EYA3: variants seen among roughly 807,000 people sequenced by gnomAD.
EYA3 encodes EYA transcriptional coactivator and phosphatase 3, also known as protein phosphatase EYA3.
EYA3 carries 39 observed loss-of-function variants against 80.0 expected under a neutral mutation model. The ratio of observed to expected loss-of-function variants is 0.49; its 90% CI spans 0.38 to 0.64. EYA3 has a LOEUF of 0.64. Ranked by LOEUF, EYA3 falls within the 30% of genes least tolerant of loss-of-function variation. The probability of loss-of-function intolerance (pLI) is 0.00; values close to 1 mark genes in which losing one functional copy is unlikely to be tolerated. For missense variants in EYA3, 523 were observed against 676.1 expected (o/e 0.77, Z 2.51); for synonymous variants, 206 against 232.8 (o/e 0.88, Z 1.05).
At chr1:28,070,547 G>A (rs1204698325) in intron 1 of EYA3, among the ~76,000 whole-genome samples, 1 of 152,090 alleles carries the variant, frequency 6.6e-6, no homozygotes, top group East Asian at 1.9e-4. Flanking sequence ...GGGCTACAGA[G>A]TGAGACTCCG....
chr1:27,975,627 A>G (rs1316046710), intron 17 of EYA3, among the ~76,000 whole-genome samples: 1 of 151,560 alleles, frequency 6.6e-6, no homozygotes, highest in Non-Finnish European at 1.5e-5. Context: ...CTGGGACTAC[A>G]GGTGCCTGCC....
chr1:28,076,124 C>T lies in EYA3; in HGVS notation c.-69+12400G>A, dbSNP rs188114883. ...CCAGAAAAACTGCAACCACCTACAC[C>T]TCCCTGATGGGACTTTCTGTAGACA... On this transcript the variant is annotated intron_variant, in intron 1 of 17. Coordinates refer to ENST00000373871, the MANE Select transcript of EYA3 (RefSeq NM_001990.4). Among the ~76,000 whole-genome samples, 9 of 152,298 alleles carry T rather than the reference C, an allele frequency of 5.9e-5. No homozygotes were observed. In the East Asian group the frequency reaches 1.7e-3, roughly 29 times the overall value.
chr1:28,081,046 T>C (rs1437718358), intron 1 of EYA3, among the ~76,000 whole-genome samples: 3 of 152,088 alleles, frequency 2.0e-5, no homozygotes, highest in African/African-American at 7.2e-5. Context: ...CATGAGCCAC[T>C]GCGCCCGGCC....
intron 2 of EYA3, among the ~76,000 whole-genome samples, chr1:28,054,167 T>C (rs1002187964): frequency 6.6e-6 from 1 of 152,204 alleles, no homozygotes; most frequent in Admixed American, 6.5e-5. Flanking sequence ...AACAATTTAA[T>C]GCCATTTTCA....
intron 1 of EYA3, among the ~76,000 whole-genome samples, chr1:28,068,165 G>A (rs1571943884): frequency 1.3e-5 from 2 of 151,882 alleles, no homozygotes; most frequent in East Asian, 3.9e-4. Context: ...GTGAAACTCC[G>A]TCTCTACTAA....
intron 1 of EYA3, among the ~76,000 whole-genome samples, chr1:28,077,470 G>A (rs1200733357): frequency 6.6e-6 from 1 of 152,126 alleles, no homozygotes; most frequent in Admixed American, 6.5e-5. Flanking sequence ...ATAGTAAAAA[G>A]TATTAAGAAG....
At chr1:28,040,223 C>T (rs1643699388) in intron 4 of EYA3, among the ~76,000 whole-genome samples, 2 of 152,134 alleles carry the variant, frequency 1.3e-5, no homozygotes, top group Non-Finnish European at 2.9e-5. Context: ...GAAATATATT[C>T]TGAAGGTAAA....
chr1:28,048,292 G>C, intron 3 of EYA3, 91 bp downstream of exon 3: 1 of 762,880 alleles, frequency 1.3e-6, no homozygotes, highest in Non-Finnish European at 2.0e-6. Context: ...ACCAAAAAGA[G>C]GGCAAAGCAT....
chr1:28,051,222 A>G (rs1158348979), intron 2 of EYA3, among the ~76,000 whole-genome samples: 1 of 152,236 alleles, frequency 6.6e-6, no homozygotes, highest in Admixed American at 6.5e-5. Flanking sequence ...TTTTGTATAC[A>G]GAAATCCTAA....
chr1:28,077,735 A>G (rs1326770903), intron 1 of EYA3, among the ~76,000 whole-genome samples: 1 of 152,250 alleles, frequency 6.6e-6, no homozygotes, highest in African/African-American at 2.4e-5. Context: ...CTAAAACTTT[A>G]TCTTCATCCT....
Position 28,086,625 on chromosome 1 carries a change from G to A in EYA3, c.-69+1899C>T, listed in dbSNP as rs570069904. On this transcript the variant is annotated intron_variant, in intron 1 of 17. Coordinates refer to ENST00000373871, the MANE Select transcript of EYA3 (RefSeq NM_001990.4). ...TTTCCCATCATTTTTGGGGTTTAAT[G>A]TTCTTATCTTAATCTGCATTAATTA... Among the ~76,000 whole-genome samples the A allele has an allele frequency of 1.4e-3, 220 of 152,214 alleles. 2 individuals are homozygous for A. The highest frequency in any genetic ancestry group is 0.014 in the Admixed American group (220 of 15,288).
At chr1:28,043,057 C>G (rs1471955343) in intron 3 of EYA3, among the ~76,000 whole-genome samples, 1 of 152,066 alleles carries the variant, frequency 6.6e-6, no homozygotes, top group Non-Finnish European at 1.5e-5. Flanking sequence ...GTTGGTCAGG[C>G]TGGTCTTGAA....
intron 6 of EYA3, among the ~76,000 whole-genome samples, chr1:28,033,477 G>T (rs942817585): frequency 6.6e-6 from 1 of 151,902 alleles, no homozygotes; most frequent in Non-Finnish European, 1.5e-5. Context: ...ACTGATAGAA[G>T]AAATTGGGAA....
At chr1:28,001,738 CA>C (rs1160378243) in intron 11 of EYA3, among the ~76,000 whole-genome samples, 727 of 36,314 alleles carry the variant, frequency 0.02, 4 homozygotes, top group African/African-American at 0.037. Context: ...GACTCTGTCT[CA>C]AAAAAAAAAA....
intron 16 of EYA3, 64 bp downstream of exon 16, chr1:27,988,471 G>C: frequency 6.4e-7 from 1 of 1,569,256 alleles, no homozygotes; most frequent in Non-Finnish European, 8.7e-7. Context: ...GAAAATAATA[G>C]GTGCATCATG....
intron 3 of EYA3, among the ~76,000 whole-genome samples, chr1:28,046,702 A>G (rs1046499792): frequency 2.0e-5 from 3 of 152,216 alleles, no homozygotes; most frequent in Non-Finnish European, 2.9e-5. Context: ...GTGATTGGGA[A>G]TAAGTACAGA....
intron 1 of EYA3, among the ~76,000 whole-genome samples, chr1:28,069,812 G>T (rs192212298): frequency 2.5e-4 from 38 of 152,250 alleles, no homozygotes; most frequent in Admixed American, 1.4e-3. Flanking sequence ...TGTTATTAAG[G>T]ATTTTGAGAT....
chr1:27,989,887 T>C, intron 14 of EYA3, 76 bp from the exon 15 acceptor site: 2 of 787,286 alleles, frequency 2.5e-6, no homozygotes, highest in South Asian at 3.3e-5. Flanking sequence ...ACTTCTAAAT[T>C]CAATTTAAAA....
In EYA3 at chr1:28,009,599, G is replaced by A. The variant is rs1186406306; in HGVS notation, c.909+1348C>T. Among the ~76,000 whole-genome samples the A allele has an allele frequency of 6.6e-6, 1 of 152,102 alleles. No individual in the cohort carries two copies. The highest frequency in any genetic ancestry group is 1.5e-5 in the Non-Finnish European group (1 of 68,020). On this transcript the variant is annotated intron_variant, in intron 10 of 17. Coordinates refer to ENST00000373871, the MANE Select transcript of EYA3 (RefSeq NM_001990.4). The surrounding 1 kb of genome is among the most constrained non-coding windows in gnomAD (Gnocchi z 4.8). ...CGGGAGGCAGAGGTCACGGTAAGCCGAGATCGTGCCACTGCACTCCAGCCT... is the reference window on the plus strand; with the variant it reads ...CGGGAGGCAGAGGTCACGGTAAGCCAAGATCGTGCCACTGCACTCCAGCCT...
Sources: gnomAD v4.1 joint callset for allele counts (sites outside exome capture counted in the v4.1 genomes callset) on GRCh38, gnomAD v4.1.1 for gene constraint, Gnocchi (gnomAD v3.1) non-coding constraint, MANE v1.5 for transcripts, NCBI Gene and HGNC (gene_info 2026-07-23, HGNC 2026-07-21) for gene names.